The following TRDN variants were observed in gnomAD, a reference collection of about 807,000 sequenced individuals.
TRDN encodes the protein triadin in skeletal muscle.
A neutral mutation model predicts 149.7 loss-of-function variants in TRDN; 161 were observed. That is an observed-to-expected ratio of 1.08 (90% CI 0.95 to 1.23). TRDN has a LOEUF of 1.23. Ranked by LOEUF, TRDN falls within the 50% of genes most tolerant of loss-of-function variation. The pLI is 0.00. For missense variants in TRDN, 896 were observed against 823.5 expected, an observed-to-expected ratio of 1.09 and a Z score of -1.08; for synonymous variants, 294 against 250.5, an observed-to-expected ratio of 1.17 and a Z score of -1.64.
intron 4 of TRDN, among the ~76,000 whole-genome samples, chr6:123,534,536 C>T (rs1780423894): frequency 6.6e-6 from 1 of 152,120 alleles, no homozygotes; most frequent in South Asian, 2.1e-4. Context: ...AATTCAGTAA[C>T]ATGTTACTAA....
intron 38 of TRDN, among the ~76,000 whole-genome samples, chr6:123,241,302 CA>C (rs1775979660): frequency 6.6e-6 from 1 of 150,918 alleles, no homozygotes. Context: ...TAATTATAGT[CA>C]TTAAAAGAAT....
chr6:123,359,166 C>T (rs1780802891), intron 20 of TRDN, among the ~76,000 whole-genome samples: 1 of 152,112 alleles, frequency 6.6e-6, no homozygotes, highest in South Asian at 2.1e-4. Context: ...AGAGGTTTCT[C>T]GTCAATTCTC....
chr6:123,284,616 G>A (rs1457526755), intron 24 of TRDN, among the ~76,000 whole-genome samples: 3 of 152,028 alleles, frequency 2.0e-5, no homozygotes, highest in Non-Finnish European at 4.4e-5. Flanking sequence ...GGACAAGGAT[G>A]CCCACTCCCA....
intron 13 of TRDN, among the ~76,000 whole-genome samples, chr6:123,391,832 A>C (rs1772485309): frequency 6.6e-6 from 1 of 152,108 alleles, no homozygotes; most frequent in Non-Finnish European, 1.5e-5. Flanking sequence ...TACTTCAAAA[A>C]ATCAGTCTAC....
At chr6:123,441,514 T>C (rs1374699958) in intron 10 of TRDN, among the ~76,000 whole-genome samples, 1 of 152,222 alleles carries the variant, frequency 6.6e-6, no homozygotes, top group Non-Finnish European at 1.5e-5. Flanking sequence ...ATGATGGCTG[T>C]ATTCTGGCAG....
In TRDN at chr6:123,246,022, G is replaced by A. The variant is rs577382071; in HGVS notation, c.1975+6390C>T. 1.8e-4 allele frequency among the ~76,000 whole-genome samples: 28 copies of A among 152,164 alleles called. 1 individual carries two copies. The South Asian group carries it at 4.4e-3, about 24-fold the overall frequency. On this transcript the variant is annotated intron_variant, in intron 38 of 40. Transcript: ENST00000334268. Reference sequence around the variant, plus strand: ...TAAAGAAATGAAGGCAGAAATAAATGAGTTCTTTGGCAGCAGTGAGAATGA... The same window carrying A: ...TAAAGAAATGAAGGCAGAAATAAATAAGTTCTTTGGCAGCAGTGAGAATGA...
At chr6:123,251,637 A>G (rs1776378583) in intron 38 of TRDN, among the ~76,000 whole-genome samples, 1 of 151,944 alleles carries the variant, frequency 6.6e-6, no homozygotes, top group African/African-American at 2.4e-5. Flanking sequence ...TTAAAATTAC[A>G]TATATGTCAC....
chr6:123,246,540 T>G (rs774769819), intron 38 of TRDN, among the ~76,000 whole-genome samples: 2 of 150,758 alleles, frequency 1.3e-5, no homozygotes, highest in Non-Finnish European at 3.0e-5. Context: ...CAGGAAGAAG[T>G]CAAATCCCTG....
intron 24 of TRDN, among the ~76,000 whole-genome samples, chr6:123,291,330 C>T (rs529675125): frequency 8.6e-4 from 131 of 151,738 alleles, no homozygotes; most frequent in African/African-American, 2.9e-3. Flanking sequence ...TTTGGAAGGC[C>T]GAGGCAGGTG....
intron 24 of TRDN, among the ~76,000 whole-genome samples, chr6:123,292,904 G>A (rs576984774): frequency 6.6e-6 from 1 of 152,256 alleles, no homozygotes; most frequent in East Asian, 1.9e-4. Context: ...TACTTCCTTT[G>A]TATCACTTTA....
rs968641645 is a variant in TRDN at position 123,472,488 on chromosome 6, G to C, written c.854-7505C>G. Among the ~76,000 whole-genome samples the C allele has an allele frequency of 5.3e-5, 8 of 152,318 alleles. 1 individual carries two copies. In the South Asian group the frequency reaches 1.7e-3, roughly 32 times the overall value. On this transcript the variant is annotated intron_variant, in intron 9 of 40. Transcript: ENST00000334268. The stretch of plus-strand genomic sequence containing the variant: ...GCAGTCTGAGATCAAACTGTAAGGC[G>C]GCAGCAAGGCTGGGGGAGGGGCGCC...
intron 24 of TRDN, among the ~76,000 whole-genome samples, chr6:123,309,759 A>G (rs1274677482): frequency 6.6e-6 from 1 of 152,020 alleles, no homozygotes; most frequent in South Asian, 2.1e-4. Context: ...GTGTAAAAAT[A>G]TAAAAAAATA....
intron 24 of TRDN, among the ~76,000 whole-genome samples, chr6:123,293,619 G>A (rs1778086283): frequency 1.3e-5 from 2 of 152,050 alleles, no homozygotes; most frequent in South Asian, 4.1e-4. Flanking sequence ...TTGGAACAGG[G>A]AAAAAATATC....
chr6:123,284,198 A>G (rs1777720163), intron 24 of TRDN, among the ~76,000 whole-genome samples: 1 of 150,202 alleles, frequency 6.7e-6, no homozygotes, highest in African/African-American at 2.5e-5. Flanking sequence ...CAAACAAGAA[A>G]GGGACATAAC....
At chr6:123,423,582 T>C (rs926269078) in intron 12 of TRDN, among the ~76,000 whole-genome samples, 4 of 152,162 alleles carry the variant, frequency 2.6e-5, no homozygotes, top group Non-Finnish European at 5.9e-5. Flanking sequence ...ATTTGAGTAA[T>C]AAACATTTAG....
chr6:123,587,479 T>G (rs1317844036), intron 1 of TRDN, among the ~76,000 whole-genome samples: 3 of 152,118 alleles, frequency 2.0e-5, no homozygotes, highest in South Asian at 4.1e-4. Context: ...ATTGGTGAGA[T>G]GTTCCTTGGG....
chr6:123,299,145 T>A (rs1778312630), intron 24 of TRDN, among the ~76,000 whole-genome samples: 1 of 151,934 alleles, frequency 6.6e-6, no homozygotes, highest in Non-Finnish European at 1.5e-5. Flanking sequence ...AGGTGGGTCT[T>A]AGGGAAAAAA....
intron 13 of TRDN, chr6:123,389,420 T>TA (rs1782025722): frequency 6.6e-6 from 1 of 152,114 alleles, no homozygotes; most frequent in Admixed American, 6.6e-5. Context: ...AGAAAACACT[T>TA]AGAAACAACT....
At chr6:123,297,638 G>A (rs1006549813) in intron 24 of TRDN, among the ~76,000 whole-genome samples, 2 of 152,000 alleles carry the variant, frequency 1.3e-5, no homozygotes, top group Non-Finnish European at 2.9e-5. Flanking sequence ...TTATGGATGA[G>A]TTTAATTCTG....
Sources: gnomAD v4.1 joint callset for allele counts (sites outside exome capture counted in the v4.1 genomes callset) on GRCh38, gnomAD v4.1.1 for gene constraint, MANE v1.5 for transcripts, NCBI Gene and HGNC (gene_info 2026-07-23, HGNC 2026-07-21) for gene names.